Variants in HEMK2 observed in about 807,000 individuals in gnomAD.
HEMK2 encodes the protein methyltransferase HEMK2.
the HEMK2 span, among the ~76,000 whole-genome samples, chr21:28,683,584 T>C: frequency 6.6e-6 from 1 of 152,164 alleles, no homozygotes; most frequent in African/African-American, 2.4e-5. Flanking sequence ...ACGCACAATG[T>C]TTACACACCT....
chr21:28,864,913 T>TATAGATAAGATAGATAGATAG, the HEMK2 span, among the ~76,000 whole-genome samples: 12 of 144,076 alleles, frequency 8.3e-5, no homozygotes, highest in Non-Finnish European at 1.2e-4. Flanking sequence ...AGATAGATGA[T>TATAGATAAGATAGATAGATAG]ATAGATAGAT....
chr21:28,653,979 G>A, the HEMK2 span, among the ~76,000 whole-genome samples: 12 of 152,228 alleles, frequency 7.9e-5, no homozygotes, highest in South Asian at 8.3e-4. Context: ...AACTTCAAAC[G>A]CTAACCTATA....
the HEMK2 span, among the ~76,000 whole-genome samples, chr21:28,850,866 A>T: frequency 0.43 from 65,059 of 151,986 alleles, 15,746 homozygotes; most frequent in East Asian, 0.8. Flanking sequence ...GAACTCCCCA[A>T]GAAGCTATCA....
chr21:28,858,604 A>C, the HEMK2 span, among the ~76,000 whole-genome samples: 1 of 151,836 alleles, frequency 6.6e-6, no homozygotes, highest in Non-Finnish European at 1.5e-5. Flanking sequence ...GGAGGGACGC[A>C]GGGAGGGAAG....
At chr21:28,879,133 G>A in the HEMK2 span, among the ~76,000 whole-genome samples, 1 of 137,218 alleles carries the variant, frequency 7.3e-6, no homozygotes, top group Admixed American at 7.9e-5. Flanking sequence ...CACCTAGACT[G>A]GAGTACAGTG....
chr21:28,620,388 G>A, the HEMK2 span, among the ~76,000 whole-genome samples: 46 of 152,112 alleles, frequency 3.0e-4, no homozygotes, highest in African/African-American at 9.2e-4. Flanking sequence ...CTGTGAATCC[G>A]TCTGGTCCTG....
At chr21:28,879,892 TA>T in the HEMK2 span, 3 of 1,599,330 alleles carry the variant, frequency 1.9e-6, no homozygotes, top group Non-Finnish European at 1.7e-6. Context: ...AGTCACTACA[TA>T]GGGGGGATTA....
At chr21:28,707,341 C>T in the HEMK2 span, among the ~76,000 whole-genome samples, 3 of 151,148 alleles carry the variant, frequency 2.0e-5, no homozygotes, top group South Asian at 2.1e-4. Flanking sequence ...CTGCAACCTC[C>T]GCGTCCCCCA....
the HEMK2 span, chr21:28,878,320 C>A: frequency 6.2e-7 from 1 of 1,613,498 alleles, no homozygotes. Context: ...TGCCTCTATT[C>A]CGTGACTTCC....
the HEMK2 span, among the ~76,000 whole-genome samples, chr21:28,591,314 T>C: frequency 6.6e-6 from 1 of 152,138 alleles, no homozygotes; most frequent in Non-Finnish European, 1.5e-5. Flanking sequence ...AAAAATGCCA[T>C]ATATATGCTG....
chr21:28,878,418 CAA>C, the HEMK2 span: 1 of 1,497,430 alleles, frequency 6.7e-7, no homozygotes, highest in Non-Finnish European at 9.2e-7. Flanking sequence ...GTAATATCAC[CAA>C]AAAAGTATAT....
chr21:28,833,253 G>A, the HEMK2 span, among the ~76,000 whole-genome samples: 1 of 152,208 alleles, frequency 6.6e-6, no homozygotes, highest in Non-Finnish European at 1.5e-5. Context: ...AAACCGCACA[G>A]AATTTTAGCC....
At chr21:28,799,898 T>C in the HEMK2 span, among the ~76,000 whole-genome samples, 1 of 152,214 alleles carries the variant, frequency 6.6e-6, no homozygotes, top group Non-Finnish European at 1.5e-5. Context: ...TTGTTTTTTG[T>C]GTAGTTCAGT....
the HEMK2 span, among the ~76,000 whole-genome samples, chr21:28,848,790 C>G: frequency 1.3e-5 from 2 of 152,122 alleles, no homozygotes; most frequent in Non-Finnish European, 2.9e-5. Context: ...ATTTTTCCAC[C>G]CACTGCTGTG....
chr21:28,606,385 A>G, the HEMK2 span, among the ~76,000 whole-genome samples: 1 of 152,362 alleles, frequency 6.6e-6, no homozygotes, highest in Non-Finnish European at 1.5e-5. Context: ...CATGAGCTCC[A>G]TAAAGAAGCC....
chr21:28,762,248 T>TCACA, the HEMK2 span, among the ~76,000 whole-genome samples: 3 of 152,080 alleles, frequency 2.0e-5, no homozygotes, highest in Non-Finnish European at 1.5e-5. Flanking sequence ...GTTACCCACA[T>TCACA]CACTTGCTAT....
At chr21:28,863,499 G>A in the HEMK2 span, among the ~76,000 whole-genome samples, 6 of 122,640 alleles carry the variant, frequency 4.9e-5, 1 homozygote, top group Non-Finnish European at 6.5e-5. Context: ...TCTAGAGAAC[G>A]CTAATAAACC....
chr21:28,752,224 TAAAC>T, the HEMK2 span, among the ~76,000 whole-genome samples: 1 of 152,148 alleles, frequency 6.6e-6, no homozygotes, highest in Admixed American at 6.5e-5. Flanking sequence ...CTTACAGAGC[TAAAC>T]AAACAGAAAA....
At chr21:28,785,003 G>A in the HEMK2 span, among the ~76,000 whole-genome samples, 12,393 of 152,094 alleles carry the variant, frequency 0.081, 1,160 homozygotes, top group African/African-American at 0.22. Flanking sequence ...GAACCCACTG[G>A]GAGAAATGAA....
Sources: allele counts gnomAD v4.1 joint callset (sites outside exome capture counted in the v4.1 genomes callset), GRCh38; gene constraint gnomAD v4.1.1; transcripts MANE v1.5; gene names NCBI Gene and HGNC (gene_info 2026-07-23, HGNC 2026-07-21).